ANO1: variants seen among roughly 807,000 people sequenced by gnomAD.
The protein encoded by ANO1 is anoctamin 1, also known as anoctamin-1.
Under a neutral mutation model 124.0 loss-of-function variants are expected in ANO1, and 59 were observed. The ratio of observed to expected loss-of-function variants is 0.48; its 90% CI spans 0.39 to 0.59. The LOEUF (loss-of-function observed/expected upper bound fraction) is 0.59. Among genes scored for constraint, ANO1 ranks in the 20% least tolerant of loss-of-function variants. The probability of loss-of-function intolerance (pLI) is 0.00; values close to 1 mark genes in which losing one functional copy is unlikely to be tolerated. For missense variants in ANO1, 1,059 were observed against 1,328.0 expected (o/e 0.80, Z 3.15); for synonymous variants, 529 against 532.0 (o/e 0.99, Z 0.08).
chr11:70,163,364 T>C, intron 19 of ANO1, 24 bp downstream of exon 19: 1 of 1,613,112 alleles, frequency 6.2e-7, no homozygotes, highest in South Asian at 1.1e-5. Context: ...TATTCATCTC[T>C]GGCAGCCCCT....
chr11:70,140,916 C>G (rs1282084302), intron 11 of ANO1, among the ~76,000 whole-genome samples: 1 of 152,124 alleles, frequency 6.6e-6, no homozygotes, highest in African/African-American at 2.4e-5. Context: ...GAATACAGCC[C>G]GGCAAGCCCC....
chr11:70,095,754 C>T (rs902241151), intron 2 of ANO1, among the ~76,000 whole-genome samples: 3 of 152,206 alleles, frequency 2.0e-5, no homozygotes, highest in Admixed American at 6.5e-5. Context: ...AGGAGCCCCT[C>T]ACCCCCGCCG....
intron 1 of ANO1, among the ~76,000 whole-genome samples, chr11:70,029,170 G>T (rs1856958747): frequency 6.6e-6 from 1 of 152,208 alleles, no homozygotes; most frequent in African/African-American, 2.4e-5. Context: ...AAGCTTCACT[G>T]GGGTGATGGG....
At chr11:70,167,108 C>T (rs2048283879) in intron 20 of ANO1, 134 bp from the exon 21 acceptor site, 9 of 1,179,080 alleles carry the variant, frequency 7.6e-6, no homozygotes, top group South Asian at 1.6e-5. Flanking sequence ...GACAGGGCCA[C>T]TGCACTCCAG....
intron 2 of ANO1, among the ~76,000 whole-genome samples, chr11:70,100,256 C>G (rs1049937627): frequency 1.3e-5 from 2 of 152,186 alleles, no homozygotes; most frequent in African/African-American, 2.4e-5. Flanking sequence ...AGCGGTGGCC[C>G]CCGATCCACA....
intron 6 of ANO1, among the ~76,000 whole-genome samples, chr11:70,109,034 C>T (rs2045668187): frequency 1.3e-5 from 2 of 152,190 alleles, no homozygotes; most frequent in Non-Finnish European, 2.9e-5. Flanking sequence ...TTTGTGAAAG[C>T]CAGAACATTG....
intron 5 of ANO1, 134 bp from the exon 6 acceptor site, chr11:70,108,217 CTT>C: frequency 1.3e-6 from 1 of 762,096 alleles, no homozygotes; most frequent in Non-Finnish European, 2.1e-6. Context: ...ATGCCATTGT[CTT>C]TCCTTGGAAG....
intron 24 of ANO1, 67 bp downstream of exon 24, chr11:70,182,753 G>A: frequency 1.5e-6 from 2 of 1,321,492 alleles, no homozygotes; most frequent in South Asian, 4.0e-5. Context: ...CCTGGGTTTG[G>A]ACGGGGCTCA....
chr11:70,175,559 G>T (rs1314129925), intron 22 of ANO1, among the ~76,000 whole-genome samples: 1 of 152,214 alleles, frequency 6.6e-6, no homozygotes, highest in Non-Finnish European at 1.5e-5. Flanking sequence ...CCAGCCGTGC[G>T]TGGGAATCTG....
chr11:70,037,600 T>G (rs1857116120), intron 1 of ANO1, among the ~76,000 whole-genome samples: 1 of 152,050 alleles, frequency 6.6e-6, no homozygotes, highest in Non-Finnish European at 1.5e-5. Context: ...CAAACCTGCC[T>G]CTACTGCATG....
At chr11:69,978,525 A>G in the ANO1 span, among the ~76,000 whole-genome samples, 1 of 152,044 alleles carries the variant, frequency 6.6e-6, no homozygotes, top group Non-Finnish European at 1.5e-5. Flanking sequence ...TAATTTTTGC[A>G]TTGTTTTTAG....
At chr11:70,169,832 C>T in intron 21 of ANO1, 2 of 225,538 alleles carry the variant, frequency 8.9e-6, no homozygotes, top group Non-Finnish European at 1.8e-5. Context: ...CCACACTCAG[C>T]CCGCCAGGCA....
At chr11:70,111,660 G>A (rs769082179) in intron 6 of ANO1, 47 bp from the exon 7 acceptor site, 17 of 1,594,478 alleles carry the variant, frequency 1.1e-5, no homozygotes, top group Middle Eastern at 3.3e-4. Context: ...AATGGGAAGC[G>A]GGAGACCCGC....
At chr11:70,087,643 T>C (rs560840043) in intron 1 of ANO1, 109 bp from the exon 2 acceptor site, 2 of 1,110,162 alleles carry the variant, frequency 1.8e-6, no homozygotes, top group East Asian at 5.5e-5. Context: ...CAGGGAGTGT[T>C]TGTTGAACGA....
At chr11:70,077,804 G>A (rs974599500), upstream of ANO1, among the ~76,000 whole-genome samples, 1 of 152,226 alleles carries the variant, frequency 6.6e-6, no homozygotes, top group African/African-American at 2.4e-5. Flanking sequence ...CCTGGGCACA[G>A]AACACTAAGC....
intron 2 of ANO1, among the ~76,000 whole-genome samples, chr11:70,098,450 G>T (rs1042861116): frequency 6.6e-6 from 1 of 152,216 alleles, no homozygotes; most frequent in Admixed American, 6.5e-5. Flanking sequence ...TGCCTGACAC[G>T]GGAGGTGCTG....
intron 1 of ANO1, among the ~76,000 whole-genome samples, chr11:70,036,607 T>G (rs1277635265): frequency 6.6e-5 from 10 of 152,128 alleles, no homozygotes; most frequent in African/African-American, 2.4e-4. Flanking sequence ...GTTTTTGTTT[T>G]GTTTTGTTTT....
Position 70,078,501 on chromosome 11 carries a change from C to T in ANO1, c.-106C>T. The T allele has an allele frequency of 4.1e-6, 2 of 484,602 alleles. No individual in the cohort carries two copies. Among genetic ancestry groups the T allele is most frequent in the South Asian group, 7.6e-5 (1 of 13,202 alleles). 30.0% of individuals were successfully genotyped at this position (484,602 alleles called of 1,614,324 possible). Reference sequence around the variant, plus strand: ...GGCCTGGGCGCGGGGAGGCCCGGCCCCCTGCGAGCGCGCCGCGAACGCTGC... The same window carrying T: ...GGCCTGGGCGCGGGGAGGCCCGGCCTCCTGCGAGCGCGCCGCGAACGCTGC... On this transcript the variant is annotated 5_prime_UTR_variant, in exon 1 of 26. Coordinates refer to ENST00000355303, the MANE Select transcript of ANO1 (RefSeq NM_018043.7).
intron 2 of ANO1, 61 bp from the exon 3 acceptor site, chr11:70,103,005 G>C (rs528833163): frequency 8.3e-7 from 1 of 1,210,488 alleles, no homozygotes; most frequent in South Asian, 1.4e-5. Flanking sequence ...TGAAGATCAA[G>C]GTGGTTTTCC....
Sources: gnomAD v4.1 joint callset for allele counts (sites outside exome capture counted in the v4.1 genomes callset) on GRCh38, gnomAD v4.1.1 for gene constraint, MANE v1.5 for transcripts, NCBI Gene and HGNC (gene_info 2026-07-23, HGNC 2026-07-21) for gene names.